Variants in THADA observed in about 807,000 individuals in gnomAD.
The protein encoded by THADA is tRNA (32-2'-O)-methyltransferase regulator THADA.
THADA carries 213 observed loss-of-function variants against 219.8 expected under a neutral mutation model. The observed-to-expected ratio is 0.97, with a 90% CI of 0.87 to 1.09. The LOEUF (loss-of-function observed/expected upper bound fraction) is 1.09. Among genes scored for constraint, THADA ranks in the 50% least tolerant of loss-of-function variants. THADA has a pLI of 0.00. For synonymous variants in THADA, 1,018 were observed against 828.9 expected (o/e 1.23, Z -3.92); for missense variants, 2,956 against 2,311.3 (o/e 1.28, Z -5.72).
chr2:43,525,338 CT>C (rs899476381), intron 22 of THADA, among the ~76,000 whole-genome samples: 2 of 152,230 alleles, frequency 1.3e-5, no homozygotes, highest in African/African-American at 4.8e-5. Context: ...ACAATATGAT[CT>C]TGCCACTTTG....
intron 26 of THADA, among the ~76,000 whole-genome samples, chr2:43,440,725 G>C (rs1387173881): frequency 6.6e-6 from 1 of 152,162 alleles, no homozygotes; most frequent in Non-Finnish European, 1.5e-5. Context: ...TAAGTGGTCT[G>C]CTATTTCTTG....
intron 36 of THADA, among the ~76,000 whole-genome samples, chr2:43,269,096 A>C (rs775965560): frequency 8.5e-5 from 13 of 152,344 alleles, no homozygotes; most frequent in South Asian, 2.1e-4. Context: ...AGGAAAAGGA[A>C]AGCACAGAAG....
chr2:43,378,794 C>T (rs536849054), intron 29 of THADA, among the ~76,000 whole-genome samples: 81 of 152,192 alleles, frequency 5.3e-4, no homozygotes, highest in Non-Finnish European at 8.8e-4. Flanking sequence ...TTATTAGAGA[C>T]GGGGTTTCTC....
intron 24 of THADA, 91 bp from the exon 25 acceptor site, chr2:43,499,046 A>C (rs1688612323): frequency 1.5e-6 from 2 of 1,310,132 alleles, no homozygotes; most frequent in Admixed American, 6.3e-5. Context: ...TCAAAACAAA[A>C]AATTTACTGA....
chr2:43,566,303 C>A, intron 15 of THADA: 1 of 526,536 alleles, frequency 1.9e-6, no homozygotes. Flanking sequence ...TAAAGGAAAC[C>A]ACATTTTAAC....
At chr2:43,375,585 G>A (rs554325619) in intron 29 of THADA, among the ~76,000 whole-genome samples, 5 of 152,268 alleles carry the variant, frequency 3.3e-5, no homozygotes, top group South Asian at 4.1e-4. Flanking sequence ...AAAGAGTAGC[G>A]TTAAAGTGAA....
chr2:43,506,932 T>C (rs1053417196), intron 23 of THADA, among the ~76,000 whole-genome samples: 2 of 152,210 alleles, frequency 1.3e-5, no homozygotes, highest in African/African-American at 4.8e-5. Flanking sequence ...AAATTTCTCA[T>C]AGTTTATTTA....
chr2:43,235,644 G>A (rs1667952314), intron 36 of THADA, among the ~76,000 whole-genome samples: 1 of 151,932 alleles, frequency 6.6e-6, no homozygotes, highest in African/African-American at 2.4e-5. Flanking sequence ...AGCCCAACAG[G>A]GAAGAAAAAA....
intron 30 of THADA, among the ~76,000 whole-genome samples, chr2:43,341,745 T>C (rs1667084354): frequency 6.6e-6 from 1 of 152,156 alleles, no homozygotes. Flanking sequence ...AGCTCTGACT[T>C]CTTGATCCCC....
chr2:43,264,288 CTTT>C (rs397868826), intron 36 of THADA, among the ~76,000 whole-genome samples: 2 of 141,148 alleles, frequency 1.4e-5, no homozygotes. Flanking sequence ...TTTTTCTTTT[CTTT>C]TTTTTTTTTT....
chr2:43,532,994 A>T (rs1694084111), intron 21 of THADA, among the ~76,000 whole-genome samples: 1 of 152,222 alleles, frequency 6.6e-6, no homozygotes, highest in Non-Finnish European at 1.5e-5. Context: ...TATCCATCTG[A>T]CAAAGGTCTA....
intron 21 of THADA, among the ~76,000 whole-genome samples, chr2:43,537,613 T>A (rs1237979462): frequency 1.3e-5 from 2 of 152,196 alleles, no homozygotes; most frequent in Non-Finnish European, 2.9e-5. Flanking sequence ...AAGACACTAC[T>A]GAGGGAATAC....
intron 26 of THADA, among the ~76,000 whole-genome samples, chr2:43,460,238 TAAAAAAAAAAAAAAAAA>T (rs10560565): frequency 1.6e-5 from 1 of 63,514 alleles, no homozygotes; most frequent in African/African-American, 5.9e-5. Flanking sequence ...TTTCTCTTAA[TAAAAAAAAAAAAAAAAA>T]AAAAAAAAAA....
intron 29 of THADA, among the ~76,000 whole-genome samples, chr2:43,363,203 C>T (rs1243090117): frequency 2.0e-5 from 3 of 152,204 alleles, no homozygotes; most frequent in Middle Eastern, 3.4e-3. Context: ...CTGTCATTAT[C>T]GAGTATTATG....
chr2:43,507,895 A>G (rs758765042), intron 23 of THADA, among the ~76,000 whole-genome samples: 2 of 152,206 alleles, frequency 1.3e-5, no homozygotes, highest in Non-Finnish European at 2.9e-5. Context: ...TGCTGATATG[A>G]AGCAATCTTT....
chr2:43,500,916 T>G (rs1331581283), intron 24 of THADA, among the ~76,000 whole-genome samples: 2 of 152,116 alleles, frequency 1.3e-5, no homozygotes, highest in Non-Finnish European at 2.9e-5. Context: ...TTAACTGCAT[T>G]CTTCTCAAAC....
chr2:43,365,022 A>C (rs1669966982), intron 29 of THADA, among the ~76,000 whole-genome samples: 1 of 146,970 alleles, frequency 6.8e-6, no homozygotes, highest in Non-Finnish European at 1.5e-5. Context: ...CGGTGGCATG[A>C]TCTCTGCTGA....
intron 29 of THADA, among the ~76,000 whole-genome samples, chr2:43,359,109 T>C (rs1669202043): frequency 6.6e-6 from 1 of 152,338 alleles, no homozygotes; most frequent in Middle Eastern, 3.4e-3. Flanking sequence ...TATTAAAGTC[T>C]ACTAGACAGC....
At chr2:43,515,064 ATTT>A (rs1229853819) in intron 22 of THADA, among the ~76,000 whole-genome samples, 9 of 50,956 alleles carry the variant, frequency 1.8e-4, no homozygotes, top group African/African-American at 7.4e-4. Flanking sequence ...TATATAATAT[ATTT>A]TATATATAAT....
Sources: allele counts gnomAD v4.1 joint callset (sites outside exome capture counted in the v4.1 genomes callset), GRCh38; gene constraint gnomAD v4.1.1; transcripts MANE v1.5; gene names NCBI Gene and HGNC (gene_info 2026-07-23, HGNC 2026-07-21).